Variants in SNRNP27 observed in about 807,000 individuals in gnomAD.
The protein encoded by SNRNP27 is small nuclear ribonucleoprotein U4/U6.U5 subunit 27.
Under a neutral mutation model 25.1 loss-of-function variants are expected in SNRNP27, and 22 were observed. The ratio of observed to expected loss-of-function variants is 0.88; its 90% CI spans 0.63 to 1.25. The LOEUF (loss-of-function observed/expected upper bound fraction) is 1.25. Among genes scored for constraint, SNRNP27 ranks in the 50% most tolerant of loss-of-function variants. The pLI, the probability that SNRNP27 is intolerant of heterozygous loss-of-function variation, is 0.00. For missense variants in SNRNP27, 150 were observed against 202.3 expected, an observed-to-expected ratio of 0.74 and a Z score of 1.57; for synonymous variants, 66 against 64.9, an observed-to-expected ratio of 1.02 and a Z score of -0.08.
chr2:69,897,600 A>G, intron 4 of SNRNP27, 144 bp downstream of exon 4: 1 of 642,354 alleles, frequency 1.6e-6, no homozygotes, highest in South Asian at 2.1e-5. Flanking sequence ...CAAAGGAGGA[A>G]ACAGTGAACT....
intron 1 of SNRNP27, 48 bp downstream of exon 1, chr2:69,894,066 G>T (rs201307187): frequency 6.6e-7 from 1 of 1,516,170 alleles, no homozygotes; most frequent in Non-Finnish European, 9.1e-7. Flanking sequence ...TTGGAGGCCT[G>T]TCCCTTTTGT....
In SNRNP27 at chr2:69,904,462, T is replaced by G; in HGVS notation, c.*154T>G. ...TTATTTATGATATATGCAGTTAACT[T>G]ACCTTGCCTCAACAGAAGAAAGGTT... On this transcript the variant is annotated 3_prime_UTR_variant, in exon 6 of 6. Transcript: ENST00000244227. 5.8e-6 allele frequency: 4 copies of G among 687,594 alleles called. No individual in the cohort carries two copies. The highest frequency in any genetic ancestry group is 1.0e-5 in the Non-Finnish European group (4 of 385,164). 42.6% of individuals were successfully genotyped at this position (687,594 alleles called of 1,614,324 possible). A position where few individuals can be genotyped will look rare whatever the true frequency, so the allele number is the denominator to read the frequency against.
intron 3 of SNRNP27, among the ~76,000 whole-genome samples, chr2:69,897,137 GT>G (rs11413663): frequency 1.3e-5 from 2 of 151,084 alleles, no homozygotes; most frequent in South Asian, 4.2e-4. Flanking sequence ...TGAAACCCAG[GT>G]TTTTTTTTAA....
intron 4 of SNRNP27, 25 bp from the exon 5 acceptor site, chr2:69,903,156 C>A: frequency 6.3e-7 from 1 of 1,582,666 alleles, no homozygotes; most frequent in Non-Finnish European, 8.7e-7. Flanking sequence ...TGTTTTTTGT[C>A]TGTTTGTTTA....
intron 4 of SNRNP27, among the ~76,000 whole-genome samples, chr2:69,901,499 T>C (rs1676697691): frequency 6.6e-6 from 1 of 152,188 alleles, no homozygotes; most frequent in African/African-American, 2.4e-5. Flanking sequence ...GTGTCTGTTA[T>C]TCTGTTCTGA....
intron 3 of SNRNP27, among the ~76,000 whole-genome samples, 194 bp from the exon 4 acceptor site, chr2:69,897,183 C>T (rs1187150525): frequency 6.6e-6 from 1 of 150,948 alleles, no homozygotes; most frequent in Non-Finnish European, 1.5e-5. Context: ...AAGGAGAGGA[C>T]TTTTTTTTTG....
intron 2 of SNRNP27, among the ~76,000 whole-genome samples, chr2:69,895,768 G>A (rs933919368): frequency 6.6e-6 from 1 of 152,156 alleles, no homozygotes; most frequent in Admixed American, 6.5e-5. Context: ...CAACGTGTTA[G>A]CCAGGATGGT....
chr2:69,896,666 G>GT (rs1195341164), intron 3 of SNRNP27, 118 bp downstream of exon 3: 115 of 783,398 alleles, frequency 1.5e-4, no homozygotes, highest in African/African-American at 3.8e-4. Context: ...ATGGTTTTGA[G>GT]TTTTTTTTGG....
chr2:69,896,457 C>T lies in SNRNP27; in HGVS notation c.177C>T (p.Ser59=), dbSNP rs1304111000. ...TTAGATCTCCAAGACGACATAGATC[C>T]ACATCTCCTTCCCCTTCTCGACTGA... The part of the protein sequence containing the change: ...RRSRSPRRHR[S]TSPSPSRLKE... The change falls in exon 3 of 6, where the codon TCC becomes TCT. Residue 59 remains serine, a synonymous_variant. Transcript: ENST00000244227. 1 of 1,612,006 alleles carries T rather than the reference C, an allele frequency of 6.2e-7. No individual in the cohort carries two copies. The highest frequency in any genetic ancestry group is 1.1e-5 in the South Asian group (1 of 91,024).
At position 69,904,718 on chromosome 2, in the gene SNRNP27, C is replaced by CTT; in HGVS notation, c.*419_*420dup. 2.0e-5 allele frequency: 4 copies of CTT among 200,808 alleles called. No homozygotes were observed. The highest frequency in any genetic ancestry group is 2.9e-5 in the Non-Finnish European group (3 of 102,338). 12.4% of individuals were successfully genotyped at this position (200,808 alleles called of 1,614,324 possible). On this transcript the variant is annotated 3_prime_UTR_variant, in exon 6 of 6. Coordinates refer to ENST00000244227, the MANE Select transcript of SNRNP27 (RefSeq NM_006857.3). ...ACTAAAGAATCTCCCCAGACATTTT[C>CTT]TTTTTTTTTTCACACATAGATTTAA...
intron 3 of SNRNP27, 104 bp downstream of exon 3, chr2:69,896,652 G>T: frequency 8.6e-7 from 1 of 1,157,416 alleles, no homozygotes; most frequent in South Asian, 1.8e-5. Context: ...AGTATTCATT[G>T]CATATGGTTT....
At chr2:69,902,298 CCTT>C (rs1389513164) in intron 4 of SNRNP27, among the ~76,000 whole-genome samples, 3 of 151,100 alleles carry the variant, frequency 2.0e-5, no homozygotes, top group Non-Finnish European at 3.0e-5. Context: ...CCTTCCTCCT[CCTT>C]CTTCCTCCTC....
At chr2:69,894,948 G>T in intron 1 of SNRNP27, 146 bp from the exon 2 acceptor site, 6 of 1,151,282 alleles carry the variant, frequency 5.2e-6, no homozygotes, top group Non-Finnish European at 7.3e-6. Context: ...AAAGTGCTGG[G>T]ATTACAGGCG....
chr2:69,897,294 C>G (rs1237389014), intron 3 of SNRNP27, 83 bp from the exon 4 acceptor site: 1 of 904,032 alleles, frequency 1.1e-6, no homozygotes, highest in East Asian at 2.5e-5. Context: ...GGTGGAATGA[C>G]TATTAATCTG....
chr2:69,898,690 A>AGT (rs1676641938), intron 4 of SNRNP27, among the ~76,000 whole-genome samples: 2 of 151,896 alleles, frequency 1.3e-5, no homozygotes, highest in Admixed American at 6.6e-5. Context: ...TTAAAATGAC[A>AGT]GTGTGTAACT....
At position 69,893,991 on chromosome 2, in the gene SNRNP27, C is replaced by T. The variant is rs770286053; in HGVS notation, c.7C>T (p.Arg3Cys). 5 of 1,613,878 alleles carry T rather than the reference C, an allele frequency of 3.1e-6. No homozygotes were observed. Among genetic ancestry groups the T allele is most frequent in the South Asian group, 2.2e-5 (2 of 91,038 alleles). The change falls in exon 1 of 6, where the codon CGC becomes TGC. Residue 3 changes from arginine (R) to cysteine (C), a missense_variant. Arg to Cys is a radical substitution (Grantham distance 180). Coordinates refer to ENST00000244227, the MANE Select transcript of SNRNP27 (RefSeq NM_006857.3). The part of the protein sequence containing the change: MG[R>C]SRSRSPRRER... ...CCGGGAAGCGGGACTCCAAATGGGT[C>T]GCAGTCGCAGCCGCTCTCCACGGAG...
At chr2:69,896,854 A>G (rs925477210) in intron 3 of SNRNP27, among the ~76,000 whole-genome samples, 1 of 151,958 alleles carries the variant, frequency 6.6e-6, no homozygotes, top group African/African-American at 2.4e-5. Context: ...TTGTATTTTT[A>G]GTAGAGACGG....
At chr2:69,901,864 A>T (rs1676705448) in intron 4 of SNRNP27, among the ~76,000 whole-genome samples, 1 of 152,182 alleles carries the variant, frequency 6.6e-6, no homozygotes, top group Admixed American at 6.5e-5. Flanking sequence ...CAAGGGTTGT[A>T]CAAGAAATGG....
At chr2:69,896,607 T>C (rs991643445) in intron 3 of SNRNP27, 59 bp downstream of exon 3, 11 of 1,448,586 alleles carry the variant, frequency 7.6e-6, no homozygotes, top group Non-Finnish European at 1.0e-5. Context: ...ATTATAAAAG[T>C]TTAATCTTGA....
Sources: allele counts gnomAD v4.1 joint callset (sites outside exome capture counted in the v4.1 genomes callset), GRCh38; gene constraint gnomAD v4.1.1; transcripts MANE v1.5; gene names NCBI Gene and HGNC (gene_info 2026-07-23, HGNC 2026-07-21).